TIAM1: variants seen among roughly 807,000 people sequenced by gnomAD.
The protein encoded by TIAM1 is rho guanine nucleotide exchange factor TIAM1.
In TIAM1, 65 loss-of-function variants were observed where a neutral mutation model predicts 163.5. The ratio of observed to expected loss-of-function variants is 0.40; its 90% CI spans 0.33 to 0.49. The LOEUF (loss-of-function observed/expected upper bound fraction) is 0.49. Among genes scored for constraint, TIAM1 ranks in the 20% least tolerant of loss-of-function variants. The probability of loss-of-function intolerance (pLI) is 0.77; values close to 1 mark genes in which losing one functional copy is unlikely to be tolerated. For missense variants in TIAM1, 1,789 were observed against 2,044.7 expected, an observed-to-expected ratio of 0.87 and a Z score of 2.41; for synonymous variants, 833 against 810.1, an observed-to-expected ratio of 1.03 and a Z score of -0.48.
At chr21:31,216,052 T>C (rs1335203364) in intron 9 of TIAM1, among the ~76,000 whole-genome samples, 2 of 152,122 alleles carry the variant, frequency 1.3e-5, no homozygotes, top group Non-Finnish European at 2.9e-5. Flanking sequence ...GTGCCTGTAA[T>C]CCCAGTTACT....
intron 2 of TIAM1, among the ~76,000 whole-genome samples, chr21:31,305,713 C>T (rs528517853): frequency 1.7e-4 from 26 of 152,290 alleles, no homozygotes; most frequent in Non-Finnish European, 2.5e-4. Context: ...TGCCTGGAGG[C>T]GCAGAGCTAC....
At chr21:31,410,325 T>C (rs1602212171) in intron 2 of TIAM1, among the ~76,000 whole-genome samples, 1 of 151,622 alleles carries the variant, frequency 6.6e-6, no homozygotes, top group Admixed American at 6.6e-5. Flanking sequence ...TGTGTGAGTA[T>C]ATGTAGGAGA....
intron 2 of TIAM1, among the ~76,000 whole-genome samples, chr21:31,313,016 C>T (rs928107628): frequency 6.6e-6 from 1 of 152,150 alleles, no homozygotes; most frequent in Admixed American, 6.5e-5. Context: ...CCTTAAATTA[C>T]GGCAGCTACT....
intron 2 of TIAM1, among the ~76,000 whole-genome samples, chr21:31,409,394 C>A (rs1473701660): frequency 6.6e-6 from 1 of 152,172 alleles, no homozygotes; most frequent in Non-Finnish European, 1.5e-5. Context: ...AGGCGTGAGC[C>A]ACCACACCCA....
chr21:31,177,642 A>G (rs1235757809), intron 15 of TIAM1, among the ~76,000 whole-genome samples: 1 of 152,208 alleles, frequency 6.6e-6, no homozygotes, highest in Admixed American at 6.5e-5. Flanking sequence ...AAATGGACTA[A>G]GTTCCAAATA....
At chr21:31,173,703 ACTT>A (rs1269163868) in intron 15 of TIAM1, among the ~76,000 whole-genome samples, 2 of 152,304 alleles carry the variant, frequency 1.3e-5, no homozygotes, top group Admixed American at 6.5e-5. Context: ...TAAAATAGTA[ACTT>A]CTTTTTAGTC....
At chr21:31,181,756 C>CTTTTTTTTTTTTTTTTTTTTTTTTTTT (rs781153297) in intron 15 of TIAM1, among the ~76,000 whole-genome samples, 2 of 41,332 alleles carry the variant, frequency 4.8e-5, no homozygotes, top group African/African-American at 7.9e-5. Context: ...TCTTCTTCTT[C>CTTTTTTTTTTTTTTTTTTTTTTTTTTT]TTTTTTTTTT....
At chr21:31,322,006 T>C (rs543890400) in intron 2 of TIAM1, among the ~76,000 whole-genome samples, 127 of 152,052 alleles carry the variant, frequency 8.4e-4, no homozygotes, top group African/African-American at 2.9e-3. Context: ...TGAGCCAAGA[T>C]CGTGCCACCT....
intron 13 of TIAM1, 85 bp from the exon 14 acceptor site, chr21:31,187,172 G>A (rs2085342681): frequency 8.2e-7 from 1 of 1,221,380 alleles, no homozygotes; most frequent in Non-Finnish European, 1.2e-6. Context: ...TGTGAACTAG[G>A]TATGTTTCAT....
At chr21:31,406,727 G>C (rs774710299) in intron 2 of TIAM1, among the ~76,000 whole-genome samples, 1 of 152,068 alleles carries the variant, frequency 6.6e-6, no homozygotes, top group Non-Finnish European at 1.5e-5. Context: ...TAGAACTTAC[G>C]AGTCACAAAT....
chr21:31,394,750 A>T (rs1226550412), intron 2 of TIAM1, among the ~76,000 whole-genome samples: 27 of 151,100 alleles, frequency 1.8e-4, no homozygotes, highest in African/African-American at 6.1e-4. Flanking sequence ...ACACACACAC[A>T]CACACACACA....
intron 2 of TIAM1, among the ~76,000 whole-genome samples, chr21:31,423,090 CTTTTTTT>C (rs11356685): frequency 3.7e-5 from 2 of 54,620 alleles, no homozygotes; most frequent in African/African-American, 1.7e-4. Context: ...ACAGCACTAT[CTTTTTTT>C]TTTTTTTTTT....
intron 2 of TIAM1, among the ~76,000 whole-genome samples, chr21:31,315,441 G>A (rs1025013239): frequency 9.2e-5 from 14 of 151,830 alleles, no homozygotes; most frequent in Non-Finnish European, 1.5e-4. Flanking sequence ...CGTGAACCCG[G>A]GAGGCGGAGC....
chr21:31,369,943 C>A (rs931995058), intron 2 of TIAM1, among the ~76,000 whole-genome samples: 4 of 152,114 alleles, frequency 2.6e-5, no homozygotes, highest in African/African-American at 9.7e-5. Context: ...CAAGATCGCG[C>A]CACTGCACTC....
intron 2 of TIAM1, among the ~76,000 whole-genome samples, chr21:31,310,338 T>C (rs1411457402): frequency 6.6e-6 from 1 of 152,178 alleles, no homozygotes; most frequent in Non-Finnish European, 1.5e-5. Flanking sequence ...GGTCCTTGTA[T>C]GACCACATGG....
At chr21:31,334,620 T>C (rs1415021592) in intron 2 of TIAM1, among the ~76,000 whole-genome samples, 1 of 152,122 alleles carries the variant, frequency 6.6e-6, no homozygotes, top group Non-Finnish European at 1.5e-5. Flanking sequence ...AAAGAATTTT[T>C]TTCTAGCTCT....
At chr21:31,408,806 G>T (rs1235115875) in intron 2 of TIAM1, among the ~76,000 whole-genome samples, 1 of 152,142 alleles carries the variant, frequency 6.6e-6, no homozygotes, top group Non-Finnish European at 1.5e-5. Flanking sequence ...GTCCCCACAA[G>T]AGCGTCAGCA....
intron 2 of TIAM1, among the ~76,000 whole-genome samples, chr21:31,430,225 A>AAAAT (rs1555978198): frequency 3.3e-5 from 3 of 90,246 alleles, no homozygotes; most frequent in African/African-American, 1.2e-4. Context: ...AAAAAAAAAA[A>AAAAT]ATATATATAT....
intron 2 of TIAM1, among the ~76,000 whole-genome samples, chr21:31,443,075 T>A (rs2044493803): frequency 1.3e-5 from 2 of 152,182 alleles, no homozygotes; most frequent in South Asian, 2.1e-4. Context: ...AGAAAGCGTA[T>A]CTGCCTGAGA....
Sources: gnomAD v4.1 joint callset for allele counts (sites outside exome capture counted in the v4.1 genomes callset) on GRCh38, gnomAD v4.1.1 for gene constraint, MANE v1.5 for transcripts, NCBI Gene and HGNC (gene_info 2026-07-23, HGNC 2026-07-21) for gene names.